The following WDR7 variants were observed in gnomAD, a reference collection of about 807,000 sequenced individuals.
The protein encoded by WDR7 is WD repeat-containing protein 7.
WDR7 carries 46 observed loss-of-function variants against 169.4 expected under a neutral mutation model. The observed-to-expected ratio is 0.27, with a 90% CI of 0.21 to 0.35. The LOEUF is 0.35. Among genes scored for constraint, WDR7 ranks in the 10% least tolerant of loss-of-function variants. WDR7 has a pLI of 1.00. For synonymous variants in WDR7, 612 were observed against 666.8 expected (o/e 0.92, Z 1.27); for missense variants, 1,534 against 1,859.3 (o/e 0.83, Z 3.22).
chr18:56,741,265 G>T (rs2043617087), intron 14 of WDR7, among the ~76,000 whole-genome samples: 1 of 152,086 alleles, frequency 6.6e-6, no homozygotes, highest in Non-Finnish European at 1.5e-5. Context: ...CCTAGTAACT[G>T]TCATCACTGT....
At chr18:56,908,909 T>TA (rs1026021452) in intron 21 of WDR7, among the ~76,000 whole-genome samples, 7 of 152,208 alleles carry the variant, frequency 4.6e-5, no homozygotes, top group African/African-American at 7.2e-5. Flanking sequence ...TTTTCCTTTG[T>TA]AAAAAATAGT....
At position 56,749,929 on chromosome 18, in the gene WDR7, G is replaced by T. The variant is rs547820744; in HGVS notation, c.1990-6654G>T. On this transcript the variant is annotated intron_variant, in intron 14 of 27. Coordinates refer to ENST00000254442, the MANE Select transcript of WDR7 (RefSeq NM_015285.3). ...ATAAACATTATAAATATATAATAAT[G>T]ATAAGGATTCATCAACATGTTTTCC... 1.4e-3 allele frequency among the ~76,000 whole-genome samples: 208 copies of T among 148,074 alleles called. 1 individual carries two copies. The highest frequency in any genetic ancestry group is 5.2e-3 in the African/African-American group (198 of 38,336).
At chr18:56,981,880 C>G (rs1392046581) in intron 26 of WDR7, among the ~76,000 whole-genome samples, 3 of 152,128 alleles carry the variant, frequency 2.0e-5, no homozygotes, top group African/African-American at 7.2e-5. Flanking sequence ...TCTGTTGTTA[C>G]ATGTGCTGTA....
chr18:56,772,233 G>A (rs1227301191), intron 16 of WDR7, among the ~76,000 whole-genome samples: 1 of 152,030 alleles, frequency 6.6e-6, no homozygotes, highest in Non-Finnish European at 1.5e-5. Context: ...GCAAAGTTTT[G>A]CAAGATGTGC....
At chr18:56,876,553 C>T (rs2046024553) in intron 20 of WDR7, among the ~76,000 whole-genome samples, 1 of 152,102 alleles carries the variant, frequency 6.6e-6, no homozygotes, top group Admixed American at 6.5e-5. Context: ...CTAAAGAGGA[C>T]TTACAATACA....
At position 56,833,293 on chromosome 18, in the gene WDR7, G is replaced by A. The variant is rs569612069; in HGVS notation, c.3304+17149G>A. Among the ~76,000 whole-genome samples, 245 of 151,880 alleles carry A rather than the reference G, an allele frequency of 1.6e-3. 3 individuals carry two copies. In the Middle Eastern group the frequency reaches 0.02, roughly 13 times the overall value. On this transcript the variant is annotated intron_variant, in intron 20 of 27. Transcript: ENST00000254442. ...TTGTGAAGGCAAGATTAGAGAAAAA[G>A]GAATGAAAAGGAATGAACAAAGCCT... is the stretch of plus-strand genomic sequence containing the variant.
chr18:56,724,413 T>C (rs113240196), intron 13 of WDR7, among the ~76,000 whole-genome samples: 5,604 of 151,900 alleles, frequency 0.037, 304 homozygotes, highest in African/African-American at 0.12. Flanking sequence ...GGTTTCATCA[T>C]GTTTGCCAGG....
chr18:56,853,615 T>C (rs1190625793), intron 20 of WDR7, among the ~76,000 whole-genome samples: 1 of 152,198 alleles, frequency 6.6e-6, no homozygotes, highest in Non-Finnish European at 1.5e-5. Flanking sequence ...TGGCCAGTCT[T>C]ATATCTTCAT....
chr18:57,014,612 G>A (rs1168143815), intron 26 of WDR7, among the ~76,000 whole-genome samples: 1 of 151,924 alleles, frequency 6.6e-6, no homozygotes, highest in Admixed American at 6.6e-5. Context: ...AGCCGAGATC[G>A]CGCCATTGCA....
At chr18:56,716,259 A>G (rs1419770294) in intron 12 of WDR7, among the ~76,000 whole-genome samples, 1 of 152,192 alleles carries the variant, frequency 6.6e-6, no homozygotes, top group Non-Finnish European at 1.5e-5. Flanking sequence ...AAAATAAGTA[A>G]GCTTAAAACA....
At chr18:56,717,425 G>A (rs1275686925) in intron 12 of WDR7, among the ~76,000 whole-genome samples, 2 of 152,184 alleles carry the variant, frequency 1.3e-5, no homozygotes, top group Non-Finnish European at 2.9e-5. Flanking sequence ...TAGAAACCAT[G>A]AAGGAAATAG....
At position 57,027,096 on chromosome 18, in the gene WDR7, C is replaced by A. The variant is rs376296130; in HGVS notation, c.4362C>A (p.Pro1454=). Residue 1454 remains proline, a synonymous_variant, in exon 28 of 28, where the codon CCC becomes CCA. Coordinates refer to ENST00000254442, the MANE Select transcript of WDR7 (RefSeq NM_015285.3). The part of the protein sequence containing the change: ...IKTYQVPPVQ[P]ASPGSHNALK... ...CCTACCAGGTGCCCCCTGTGCAGCC[C>A]GCGTCCCCCGGCTCCCACAATGCCC... The A allele has an allele frequency of 6.2e-7, 1 of 1,614,014 alleles. No individual in the cohort carries two copies. The highest frequency in any genetic ancestry group is 1.3e-5 in the African/African-American group (1 of 74,910).
At chr18:56,883,230 A>G (rs201090981) in intron 21 of WDR7, among the ~76,000 whole-genome samples, 8,606 of 148,352 alleles carry the variant, frequency 0.058, 309 homozygotes, top group Middle Eastern at 0.2. Flanking sequence ...AAAAAAAAAA[A>G]GCAGGAAGGT....
At chr18:56,970,569 G>C (rs1489328044) in intron 26 of WDR7, among the ~76,000 whole-genome samples, 1 of 152,168 alleles carries the variant, frequency 6.6e-6, no homozygotes, top group Non-Finnish European at 1.5e-5. Context: ...AAGGTACAGA[G>C]ATTTTCCATA....
chr18:56,887,047 T>C (rs2046206649), intron 21 of WDR7, among the ~76,000 whole-genome samples: 3 of 152,138 alleles, frequency 2.0e-5, no homozygotes, highest in Non-Finnish European at 4.4e-5. Context: ...CTCCACTAAC[T>C]GTGATAATTT....
At chr18:56,737,683 A>AGTCTGT (rs1292609944) in intron 14 of WDR7, among the ~76,000 whole-genome samples, 1 of 152,240 alleles carries the variant, frequency 6.6e-6, no homozygotes, top group Non-Finnish European at 1.5e-5. Flanking sequence ...CTAAGAACAT[A>AGTCTGT]GTCTGTGTTC....
chr18:56,679,293 A>T, intron 2 of WDR7, 39 bp from the exon 3 acceptor site: 1 of 1,533,626 alleles, frequency 6.5e-7, no homozygotes, highest in Non-Finnish European at 9.0e-7. Flanking sequence ...GTTAATTTTT[A>T]AGTTTGGTAC....
At chr18:56,959,248 C>CA (rs2047301510) in intron 25 of WDR7, among the ~76,000 whole-genome samples, 1 of 152,056 alleles carries the variant, frequency 6.6e-6, no homozygotes, top group Non-Finnish European at 1.5e-5. Flanking sequence ...GCAAGGAGAT[C>CA]ACTGTGACTA....
intron 21 of WDR7, among the ~76,000 whole-genome samples, chr18:56,897,358 G>T (rs965572135): frequency 4.6e-5 from 7 of 151,398 alleles, no homozygotes; most frequent in African/African-American, 1.7e-4. Flanking sequence ...ACAAAAATTG[G>T]AATCAGCGCA....
Sources: gnomAD v4.1 joint callset for allele counts (sites outside exome capture counted in the v4.1 genomes callset) on GRCh38, gnomAD v4.1.1 for gene constraint, MANE v1.5 for transcripts, NCBI Gene and HGNC (gene_info 2026-07-23, HGNC 2026-07-21) for gene names.